The following ZNF438 variants were observed in gnomAD, a reference collection of about 807,000 sequenced individuals.
The protein encoded by ZNF438 is zinc finger protein 438.
In ZNF438, 25 loss-of-function variants were observed where a neutral mutation model predicts 38.0. The ratio of observed to expected loss-of-function variants is 0.66; its 90% CI spans 0.48 to 0.92. ZNF438 has a LOEUF of 0.92. ZNF438 is among the 40% of genes least tolerant of loss of function. The pLI is 0.00. For missense variants in ZNF438, 1,007 were observed against 999.6 expected (o/e 1.01, Z -0.10); for synonymous variants, 372 against 364.1 (o/e 1.02, Z -0.25).
At chr10:30,868,428 C>G (rs4749630) in intron 4 of ZNF438, among the ~76,000 whole-genome samples, 89,109 of 151,876 alleles carry the variant, frequency 0.59, 26,403 homozygotes, top group African/African-American at 0.62. Context: ...TTTATCCAAA[C>G]AAAAGTAATC....
intron 1 of ZNF438, among the ~76,000 whole-genome samples, chr10:31,006,848 A>G (rs1268066892): frequency 6.6e-6 from 1 of 152,120 alleles, no homozygotes; most frequent in Non-Finnish European, 1.5e-5. Context: ...TAATAGAAAA[A>G]AAAAAACCAT....
chr10:31,010,227 T>G (rs918615186), intron 1 of ZNF438, among the ~76,000 whole-genome samples: 2 of 152,192 alleles, frequency 1.3e-5, no homozygotes, highest in Admixed American at 1.3e-4. Flanking sequence ...GAAAAAATAC[T>G]TATATGTTTA....
intron 5 of ZNF438, among the ~76,000 whole-genome samples, 160 bp from the exon 7 acceptor site, chr10:30,845,733 C>A (rs1401590415): frequency 6.6e-6 from 1 of 152,206 alleles, no homozygotes; most frequent in Non-Finnish European, 1.5e-5. Context: ...TCTGCAAGGA[C>A]CGTGGTGAAT....
chr10:30,872,362 ATTG>A (rs1564535454), intron 4 of ZNF438, among the ~76,000 whole-genome samples: 1 of 105,212 alleles, frequency 9.5e-6, no homozygotes, highest in Non-Finnish European at 2.4e-5. Context: ...GGAGGTGGAG[ATTG>A]CAGTGAGCCG....
chr10:31,028,963 A>T (rs963409871), intron 1 of ZNF438, among the ~76,000 whole-genome samples: 1 of 152,250 alleles, frequency 6.6e-6, no homozygotes, highest in Non-Finnish European at 1.5e-5. Flanking sequence ...ACCAAAGCTT[A>T]GATGAAAAAC....
At chr10:30,956,006 C>T (rs925977472) in intron 1 of ZNF438, among the ~76,000 whole-genome samples, 1 of 152,116 alleles carries the variant, frequency 6.6e-6, no homozygotes, top group Non-Finnish European at 1.5e-5. Context: ...TTTTCAAACA[C>T]AATATACTCC....
In ZNF438 at chr10:30,877,076, G is replaced by A. The variant is rs748575769; in HGVS notation, c.-31-11C>T. On this transcript the variant is annotated splice_polypyrimidine_tract_variant and intron_variant, in intron 3 of 5. Coordinates refer to ENST00000413025, the Ensembl canonical transcript of ZNF438. Reference sequence around the variant, plus strand: ...TGAATAGTATCTTTCCTAAAAATAAGCAAGCACAAATAAGTATTAGAAAGT... The same window carrying A: ...TGAATAGTATCTTTCCTAAAAATAAACAAGCACAAATAAGTATTAGAAAGT... 6 of 1,528,788 alleles carry A rather than the reference G, an allele frequency of 3.9e-6. No homozygotes were observed. The Admixed American group carries it at 1.1e-4, about 27-fold the overall frequency. The allele number at this position is 1,528,788 out of a possible 1,614,324, so 94.7% of individuals were successfully genotyped here. A position where few individuals can be genotyped will look rare whatever the true frequency, so the allele number is the denominator to read the frequency against.
At chr10:30,844,985 T>C in exon 6 of ZNF438, 2 of 1,613,968 alleles carry the variant, frequency 1.2e-6, no homozygotes, top group Non-Finnish European at 1.7e-6. Flanking sequence ...CACTGGAAAG[T>C]TCGATCACTC....
intron 4 of ZNF438, among the ~76,000 whole-genome samples, chr10:30,864,291 A>C (rs984971887): frequency 6.6e-6 from 1 of 152,232 alleles, no homozygotes; most frequent in African/African-American, 2.4e-5. Flanking sequence ...TCTGAAAATA[A>C]GGAAATGGAG....
chr10:30,862,211 A>T (rs1210905279), intron 4 of ZNF438, among the ~76,000 whole-genome samples: 2 of 152,226 alleles, frequency 1.3e-5, no homozygotes, highest in Non-Finnish European at 2.9e-5. Context: ...GTGAACATGG[A>T]AACATCCACA....
intron 1 of ZNF438, among the ~76,000 whole-genome samples, chr10:30,957,231 C>G (rs2048960844): frequency 6.6e-6 from 1 of 152,066 alleles, no homozygotes; most frequent in Non-Finnish European, 1.5e-5. Context: ...CTTTAGCATT[C>G]AGATTGTTTG....
intron 3 of ZNF438, among the ~76,000 whole-genome samples, chr10:30,901,695 T>C (rs1018723747): frequency 5.3e-5 from 8 of 151,522 alleles, no homozygotes; most frequent in Non-Finnish European, 1.0e-4. Context: ...CGCTTGGCGA[T>C]AGGCGATGGT....
intron 2 of ZNF438, among the ~76,000 whole-genome samples, chr10:30,929,359 T>C (rs1413838903): frequency 6.6e-6 from 1 of 152,198 alleles, no homozygotes; most frequent in East Asian, 1.9e-4. Flanking sequence ...CTGGCTGGTT[T>C]CAGGAGTGAA....
chr10:30,902,415 C>T (rs1196677654), intron 3 of ZNF438, among the ~76,000 whole-genome samples: 2 of 152,140 alleles, frequency 1.3e-5, no homozygotes, highest in Non-Finnish European at 2.9e-5. Flanking sequence ...AAACCTTGAG[C>T]TAGATACAGA....
At chr10:31,008,224 C>A (rs987850506) in intron 1 of ZNF438, among the ~76,000 whole-genome samples, 5 of 152,122 alleles carry the variant, frequency 3.3e-5, no homozygotes, top group African/African-American at 4.8e-5. Context: ...ATAATAATAT[C>A]TTTTCAAACA....
chr10:30,909,519 A>G (rs890004288), intron 2 of ZNF438, among the ~76,000 whole-genome samples: 2 of 152,220 alleles, frequency 1.3e-5, no homozygotes, highest in Non-Finnish European at 2.9e-5. Context: ...GCCAGAAATA[A>G]TAAATCTCAG....
intron 1 of ZNF438, among the ~76,000 whole-genome samples, chr10:30,958,651 G>A (rs2049132569): frequency 6.8e-6 from 1 of 146,844 alleles, no homozygotes; most frequent in African/African-American, 2.4e-5. Flanking sequence ...GTACTAAATG[G>A]ATGCAATCAT....
intron 4 of ZNF438, among the ~76,000 whole-genome samples, chr10:30,851,002 C>T (rs1014369279): frequency 2.0e-5 from 3 of 152,104 alleles, no homozygotes; most frequent in Admixed American, 6.5e-5. Context: ...TTGCTGTTTC[C>T]CCATGTGACT....
chr10:30,985,054 C>T (rs1399894963), intron 1 of ZNF438, among the ~76,000 whole-genome samples: 4 of 152,174 alleles, frequency 2.6e-5, no homozygotes, highest in African/African-American at 9.7e-5. Flanking sequence ...TGCAATGAAG[C>T]CAGTTGTCAA....
Sources: allele counts gnomAD v4.1 joint callset (sites outside exome capture counted in the v4.1 genomes callset), GRCh38; gene constraint gnomAD v4.1.1; transcripts MANE v1.5; gene names NCBI Gene and HGNC (gene_info 2026-07-23, HGNC 2026-07-21).